The following GRIK5 variants were observed in gnomAD, a reference collection of about 807,000 sequenced individuals.
The protein encoded by GRIK5 is glutamate ionotropic receptor kainate type subunit 5, also known as glutamate receptor ionotropic, kainate 5.
In GRIK5, 43 loss-of-function variants were observed where a neutral mutation model predicts 97.4. The observed-to-expected ratio is 0.44, with a 90% CI of 0.35 to 0.57. GRIK5 has a LOEUF of 0.57. GRIK5 is among the 20% of genes least tolerant of loss of function. The pLI is 0.01. For synonymous variants in GRIK5, 580 were observed against 583.5 expected, an observed-to-expected ratio of 0.99 and a Z score of 0.09; for missense variants, 1,015 against 1,382.0, an observed-to-expected ratio of 0.73 and a Z score of 4.21.
chr19:41,998,989 A>G lies in GRIK5; in HGVS notation c.2825T>C (p.Leu942Pro). 8.4e-7 allele frequency: 1 copy of G among 1,196,666 alleles called. No homozygotes were observed. Among genetic ancestry groups the G allele is most frequent in the South Asian group, 2.7e-5 (1 of 36,872 alleles). 74.1% of individuals were successfully genotyped at this position (1,196,666 alleles called of 1,614,324 possible). Reference sequence around the variant, plus strand: ...AGGCGCGCCGGCCCCCGAGGCCCGCAGCGCCTGGATGCGCCGGCACTCCTG... The same window carrying G: ...AGGCGCGCCGGCCCCCGAGGCCCGCGGCGCCTGGATGCGCCGGCACTCCTG... The part of the protein sequence containing the change: ...VCQECRRIQA[L>P]RASGAGAPPR... Residue 942 changes from leucine (L) to proline (P), a missense_variant, in exon 20 of 20, where the codon CTG becomes CCG. By Grantham distance (98) the Leu-to-Pro change is moderately conservative. Coordinates refer to ENST00000593562, the MANE Select transcript of GRIK5 (RefSeq NM_002088.5).
At chr19:42,020,307 A>G (rs1344808626) in intron 15 of GRIK5, among the ~76,000 whole-genome samples, 1 of 152,170 alleles carries the variant, frequency 6.6e-6, no homozygotes, top group Admixed American at 6.5e-5. Context: ...TATCTTTGGG[A>G]CCTATTCTTT....
chr19:42,013,812 G>A (rs2075594199), intron 15 of GRIK5, among the ~76,000 whole-genome samples: 1 of 152,068 alleles, frequency 6.6e-6, no homozygotes, highest in Non-Finnish European at 1.5e-5. Flanking sequence ...AGGACTGCTT[G>A]AGCCCAAGAG....
At chr19:42,011,854 G>A (rs1333035287) in intron 15 of GRIK5, among the ~76,000 whole-genome samples, 1 of 152,028 alleles carries the variant, frequency 6.6e-6, no homozygotes. Flanking sequence ...CGCACCTATG[G>A]TCCTAGCTAC....
intron 8 of GRIK5, among the ~76,000 whole-genome samples, chr19:42,055,319 T>G (rs2076168401): frequency 6.6e-6 from 1 of 152,218 alleles, no homozygotes; most frequent in South Asian, 2.1e-4. Flanking sequence ...GATGTCCCTG[T>G]GTGGACACAT....
At chr19:42,053,090 C>T (rs1393396987) in intron 11 of GRIK5, among the ~76,000 whole-genome samples, 4 of 152,208 alleles carry the variant, frequency 2.6e-5, no homozygotes, top group Non-Finnish European at 5.9e-5. Flanking sequence ...GGCTACAGGA[C>T]AACGTCCCTG....
intron 11 of GRIK5, among the ~76,000 whole-genome samples, chr19:42,043,276 G>A (rs1568914393): frequency 6.6e-6 from 1 of 152,156 alleles, no homozygotes; most frequent in East Asian, 1.9e-4. Context: ...CACATGGCTG[G>A]TAATGACTCA....
In GRIK5 at chr19:42,070,150, TCCGAGG is replaced by T. The variant is rs1454634495; in HGVS notation, c.-966_-961del. On this transcript the variant is annotated 5_prime_UTR_variant, in exon 1 of 20. Transcript: ENST00000593562. ...GCTGCCGCCACCGCTCAGTCTCCCC[TCCGAGG>T]CCGCCGCCTGCCTGCCCGCCTGCCG... 6.6e-6 allele frequency among the ~76,000 whole-genome samples: 1 copy of T among 151,544 alleles called. No homozygotes were observed. The highest frequency in any genetic ancestry group is 1.5e-5 in the Non-Finnish European group (1 of 67,866).
rs780425492 is a variant in GRIK5, at chr19:42,062,546, G to T, written c.450C>A (p.Ser150=). The change falls in exon 5 of 20, where the codon TCC becomes TCA. Residue 150 remains serine, a synonymous_variant. Transcript: ENST00000593562. This position sits in a 1 kb window ranked among gnomAD's most constrained non-coding sequence, Gnocchi z 5.3. ...GGTAGTTGAAGGACTTGAGGATTCG[G>T]GAGACCGCCAAGCTGACGTCCTCGT... The part of the protein sequence containing the change: ...PSNEDVSLAV[S]RILKSFNYPS... 6.2e-7 allele frequency: 1 copy of T among 1,614,168 alleles called. No individual in the cohort carries two copies. Among genetic ancestry groups the T allele is most frequent in the Admixed American group, 1.7e-5 (1 of 60,024 alleles).
chr19:42,059,378 C>T lies in GRIK5; in HGVS notation c.658G>A (p.Ala220Thr), dbSNP rs765080829. ...KVSTIIIDAN[A>T]SISHLILRKA... Reference sequence around the variant, plus strand: ...CGGAGGATGAGGTGGGAGATGGAGGCGTTGGCGTCGATGATGATGGTGGAC... The same window carrying T: ...CGGAGGATGAGGTGGGAGATGGAGGTGTTGGCGTCGATGATGATGGTGGAC... Residue 220 changes from alanine to threonine, a missense_variant, in exon 6 of 20, where the codon GCC (alanine) becomes ACC (threonine). By Grantham distance (58) the Ala-to-Thr change is moderately conservative. Transcript: ENST00000593562. 8.1e-6 allele frequency: 13 copies of T among 1,613,646 alleles called. No individual in the cohort carries two copies. Among genetic ancestry groups the T allele is most frequent in the East Asian group, 6.7e-5 (3 of 44,860 alleles).
At position 42,006,403 on chromosome 19, in the gene GRIK5, C is replaced by T. The variant is rs1407045728; in HGVS notation, c.2037+242G>A. On this transcript the variant is annotated intron_variant, in intron 16 of 19. Transcript: ENST00000593562. This position sits in a 1 kb window ranked among gnomAD's most constrained non-coding sequence, Gnocchi z 5.3. ...ACCCTTCCAGCAGCCTCCTTGATCCCATTTGGCCCATATGACATTGACATT... is the reference window on the plus strand; with the variant it reads ...ACCCTTCCAGCAGCCTCCTTGATCCTATTTGGCCCATATGACATTGACATT... 2.6e-5 allele frequency among the ~76,000 whole-genome samples: 4 copies of T among 152,224 alleles called. No homozygotes were observed. Among genetic ancestry groups the T allele is most frequent in the Non-Finnish European group, 5.9e-5 (4 of 68,046 alleles).
In GRIK5 at chr19:42,065,857, A is replaced by C; in HGVS notation, c.-50-37T>G. 9.3e-7 allele frequency: 1 copy of C among 1,074,160 alleles called. No individual in the cohort carries two copies. Among genetic ancestry groups the C allele is most frequent in the Non-Finnish European group, 1.4e-6 (1 of 728,818 alleles). 66.5% of individuals were successfully genotyped at this position (1,074,160 alleles called of 1,614,324 possible). On this transcript the variant is annotated intron_variant, in intron 1 of 19. Transcript: ENST00000593562. The surrounding 1 kb of genome is among the most constrained non-coding windows in gnomAD (Gnocchi z 5.8). ...CCCCCCAGACCAAGGGGAGATTACTATGTGGTGGGATGGAACCCCTTGGAG... is the reference window on the plus strand; with the variant it reads ...CCCCCCAGACCAAGGGGAGATTACTCTGTGGTGGGATGGAACCCCTTGGAG...
At chr19:42,049,976 C>T (rs1469692193) in intron 11 of GRIK5, among the ~76,000 whole-genome samples, 1 of 152,016 alleles carries the variant, frequency 6.6e-6, no homozygotes, top group African/African-American at 2.4e-5. Flanking sequence ...CTCACTCTGT[C>T]GCCCTGGCAG....
rs1555871059 is a variant in GRIK5, at chr19:42,002,208, AAAG to A, written c.2514+1121_2514+1123del. 1.4e-6 allele frequency: 1 copy of A among 717,466 alleles called. No homozygotes were observed. The allele number at this position is 717,466 out of a possible 1,614,324, so 44.4% of individuals were successfully genotyped here. A position where few individuals can be genotyped will look rare whatever the true frequency, so the allele number is the denominator to read the frequency against. On this transcript the variant is annotated intron_variant, in intron 19 of 19. Transcript: ENST00000593562. This position sits in a 1 kb window ranked among gnomAD's most constrained non-coding sequence, Gnocchi z 5.2. ...GTGGGGGGCAAGAGGAAATGGGAGG[AAAG>A]AAGAAACTGGAAGCATCAGGGAGAC... is the stretch of plus-strand genomic sequence containing the variant.
rs902254745 is a variant in GRIK5, at chr19:42,042,078, G to T, written c.1473+474C>A. 6.6e-6 allele frequency among the ~76,000 whole-genome samples: 1 copy of T among 152,132 alleles called. No homozygotes were observed. Among genetic ancestry groups the T allele is most frequent in the African/African-American group, 2.4e-5 (1 of 41,428 alleles). ...TACTCAATAAACAGCCACTGAATGGGTGAATGTATGAGTTCTACATGCAGC... is the reference window on the plus strand; with the variant it reads ...TACTCAATAAACAGCCACTGAATGGTTGAATGTATGAGTTCTACATGCAGC... On this transcript the variant is annotated intron_variant, in intron 12 of 19. Transcript: ENST00000593562. This position sits in a 1 kb window ranked among gnomAD's most constrained non-coding sequence, Gnocchi z 6.9.
intron 1 of GRIK5, among the ~76,000 whole-genome samples, chr19:42,068,326 A>C (rs1410385376): frequency 6.6e-6 from 1 of 152,180 alleles, no homozygotes; most frequent in African/African-American, 2.4e-5. Context: ...GGGGAGCAGG[A>C]GATCCTGGGG....
intron 12 of GRIK5, among the ~76,000 whole-genome samples, chr19:42,036,988 G>A (rs977210504): frequency 1.3e-5 from 2 of 152,322 alleles, no homozygotes; most frequent in Non-Finnish European, 2.9e-5. Flanking sequence ...CTGCCTGCAG[G>A]TCACAAAGCC....
intron 12 of GRIK5, among the ~76,000 whole-genome samples, chr19:42,038,683 C>T (rs4803522): frequency 0.97 from 147,732 of 152,346 alleles, 71,667 homozygotes; most frequent in East Asian, 1. Context: ...GCCCTGTGCA[C>T]TGGGGACTCC....
At chr19:42,028,269 TGGG>T (rs35445622) in intron 12 of GRIK5, among the ~76,000 whole-genome samples, 1 of 150,736 alleles carries the variant, frequency 6.6e-6, no homozygotes, top group African/African-American at 2.4e-5. Context: ...CCTGTAATGA[TGGG>T]GGGGGGGTGT....
Position 42,062,428 on chromosome 19 carries a change from A to G in GRIK5, c.508+60T>C. 1 of 1,560,974 alleles carries G rather than the reference A, an allele frequency of 6.4e-7. No homozygotes were observed. Among genetic ancestry groups the G allele is most frequent in the Non-Finnish European group, 8.8e-7 (1 of 1,140,896 alleles). On this transcript the variant is annotated intron_variant, in intron 5 of 19. Coordinates refer to ENST00000593562, the MANE Select transcript of GRIK5 (RefSeq NM_002088.5). The surrounding 1 kb of genome is among the most constrained non-coding windows in gnomAD (Gnocchi z 5.3). ...GCAGTGAACCACTGTGTGGGACACCAGATCTCTTGGGAAGGGGTGTCTGGG... is the reference window on the plus strand; with the variant it reads ...GCAGTGAACCACTGTGTGGGACACCGGATCTCTTGGGAAGGGGTGTCTGGG...
Sources: allele counts gnomAD v4.1 joint callset (sites outside exome capture counted in the v4.1 genomes callset), GRCh38; gene constraint gnomAD v4.1.1; non-coding constraint Gnocchi (gnomAD v3.1); transcripts MANE v1.5; gene names NCBI Gene and HGNC (gene_info 2026-07-23, HGNC 2026-07-21).